The following SEM1 variants were observed in gnomAD, a reference collection of about 807,000 sequenced individuals.
SEM1 encodes 26S proteasome complex subunit SEM1.
A neutral mutation model predicts 12.7 loss-of-function variants in SEM1; 3 were observed. The ratio of observed to expected loss-of-function variants is 0.24; its 90% CI spans 0.11 to 0.61. SEM1 has a LOEUF of 0.61. Among genes scored for constraint, SEM1 ranks in the 20% least tolerant of loss-of-function variants. SEM1 has a pLI of 0.88. For missense variants in SEM1, 59 were observed against 81.3 expected (o/e 0.73, Z 1.06); for synonymous variants, 30 against 27.8 (o/e 1.08, Z -0.25).
chr7:96,705,531 G>A (rs911952070), intron 1 of SEM1, among the ~76,000 whole-genome samples: 12 of 152,020 alleles, frequency 7.9e-5, no homozygotes, highest in Non-Finnish European at 1.6e-4. Context: ...AGTAGTCAAC[G>A]TTTTAAATAA....
downstream of SEM1, among the ~76,000 whole-genome samples, chr7:96,669,197 G>C (rs1365874321): frequency 1.3e-5 from 2 of 152,094 alleles, no homozygotes; most frequent in African/African-American, 4.8e-5. Flanking sequence ...TCTTTAAATT[G>C]AGAGTGCTGA....
At chr7:96,679,589 T>C (rs754441206) in intron 2 of SEM1, among the ~76,000 whole-genome samples, 18 of 152,082 alleles carry the variant, frequency 1.2e-4, no homozygotes, top group Admixed American at 7.2e-4. Context: ...CATTTCACCA[T>C]AGGCAGCAAT....
intron 2 of SEM1, among the ~76,000 whole-genome samples, chr7:96,679,709 A>C (rs2272225): frequency 6.6e-6 from 1 of 151,994 alleles, no homozygotes; most frequent in African/African-American, 2.4e-5. Context: ...CTTATTACAC[A>C]GATTTGTGAC....
At chr7:96,602,851 A>T (rs1807234621) in intron 2 of SEM1, among the ~76,000 whole-genome samples, 1 of 152,186 alleles carries the variant, frequency 6.6e-6, no homozygotes, top group African/African-American at 2.4e-5. Flanking sequence ...TCAGCTTTGA[A>T]ATAGTAGCAA....
intron 2 of SEM1, chr7:96,649,806 A>C (rs1808913083): frequency 6.6e-6 from 1 of 152,150 alleles, no homozygotes; most frequent in South Asian, 2.1e-4. Flanking sequence ...CTGTGTAATA[A>C]ATATTATTAT....
chr7:96,498,371 G>A (rs1262026478), upstream of SEM1, among the ~76,000 whole-genome samples: 3 of 71,828 alleles, frequency 4.2e-5, no homozygotes, highest in African/African-American at 7.1e-5. Context: ...GCATGTGCAC[G>A]TGTGTCTGTG....
rs1789544831 is a variant in SEM1 at position 96,679,610 on chromosome 7, A to T, written c.171-5751T>A. On this transcript the variant is annotated intron_variant, in intron 2 of 2. Transcript: ENST00000413065. ...ACCATAGGCAGCAATAAAAAAGTAT[A>T]TTTCTTAGTCATTAGTGATCTGATT... Among the ~76,000 whole-genome samples the T allele has an allele frequency of 3.9e-5, 6 of 152,112 alleles. No homozygotes were observed. In the South Asian group the frequency reaches 1.2e-3, roughly 31 times the overall value.
intron 2 of SEM1, among the ~76,000 whole-genome samples, chr7:96,528,334 C>G (rs765200866): frequency 4.6e-5 from 7 of 152,096 alleles, no homozygotes; most frequent in Non-Finnish European, 7.4e-5. Flanking sequence ...TCTGGGACTA[C>G]AGGCGTGCCA....
At chr7:96,519,807 A>AG (rs1333994586) in intron 2 of SEM1, among the ~76,000 whole-genome samples, 2 of 152,126 alleles carry the variant, frequency 1.3e-5, no homozygotes, top group Non-Finnish European at 2.9e-5. Context: ...CATGCAGGTA[A>AG]GGGGGGTTAT....
intron 2 of SEM1, among the ~76,000 whole-genome samples, chr7:96,570,075 T>C (rs1224979575): frequency 6.6e-6 from 1 of 152,102 alleles, no homozygotes; most frequent in Non-Finnish European, 1.5e-5. Flanking sequence ...AGTAGTTCTA[T>C]GTTTAGTTCT....
intron 2 of SEM1, among the ~76,000 whole-genome samples, chr7:96,613,458 CAT>C (rs1285598924): frequency 6.6e-6 from 1 of 152,084 alleles, no homozygotes; most frequent in African/African-American, 2.4e-5. Flanking sequence ...TTTTAATTGA[CAT>C]ATAATTGTGT....
chr7:96,496,386 T>C, upstream of SEM1: 1 of 981,478 alleles, frequency 1.0e-6, no homozygotes, highest in Non-Finnish European at 1.5e-6. Context: ...TAAAAGAGTG[T>C]AAAGCCAAAC....
intron 2 of SEM1, among the ~76,000 whole-genome samples, chr7:96,644,760 C>G (rs1342787241): frequency 2.6e-5 from 4 of 152,086 alleles, no homozygotes; most frequent in African/African-American, 9.7e-5. Context: ...AAGTTGGGCA[C>G]CAGCCCACCT....
intron 2 of SEM1, among the ~76,000 whole-genome samples, chr7:96,605,296 A>G (rs1258672012): frequency 6.6e-6 from 1 of 152,132 alleles, no homozygotes; most frequent in African/African-American, 2.4e-5. Flanking sequence ...ACTAAATCCA[A>G]CGAACTATGG....
At chr7:96,509,188 T>C (rs1379066008) in intron 2 of SEM1, among the ~76,000 whole-genome samples, 1 of 145,692 alleles carries the variant, frequency 6.9e-6, no homozygotes, top group Non-Finnish European at 1.5e-5. Context: ...TATTTTTCAG[T>C]AGAGACAGGG....
chr7:96,695,123 A>T, intron 1 of SEM1: 2 of 331,360 alleles, frequency 6.0e-6, no homozygotes, highest in South Asian at 2.2e-4. Context: ...CTTGCCAAGA[A>T]ACTTACAATT....
intron 2 of SEM1, among the ~76,000 whole-genome samples, chr7:96,594,918 A>G (rs1300914287): frequency 6.6e-6 from 1 of 152,150 alleles, no homozygotes; most frequent in Non-Finnish European, 1.5e-5. Context: ...AAACAAAAGG[A>G]GTAGTTTATT....
At chr7:96,618,191 T>G (rs1807779024), downstream of SEM1, among the ~76,000 whole-genome samples, 1 of 152,218 alleles carries the variant, frequency 6.6e-6, no homozygotes, top group Non-Finnish European at 1.5e-5. Flanking sequence ...TTTTTATTAC[T>G]GATTCAATCT....
intron 2 of SEM1, among the ~76,000 whole-genome samples, chr7:96,525,112 G>A (rs1001504893): frequency 6.6e-6 from 1 of 152,046 alleles, no homozygotes; most frequent in Non-Finnish European, 1.5e-5. Flanking sequence ...TCCTTTGCAA[G>A]TTTGTCTAAG....
Sources: gnomAD v4.1 joint callset for allele counts (sites outside exome capture counted in the v4.1 genomes callset) on GRCh38, gnomAD v4.1.1 for gene constraint, MANE v1.5 for transcripts, NCBI Gene and HGNC (gene_info 2026-07-23, HGNC 2026-07-21) for gene names.